Variants in ANKS1A observed in about 807,000 individuals in gnomAD.
ANKS1A encodes the protein ankyrin repeat and SAM domain-containing protein 1A.
Under a neutral mutation model 120.3 loss-of-function variants are expected in ANKS1A, and 55 were observed. The observed-to-expected ratio is 0.46, with a 90% CI of 0.37 to 0.57. The LOEUF is 0.57. Ranked by LOEUF, ANKS1A falls within the 20% of genes least tolerant of loss-of-function variation. The pLI is 0.00. For missense variants in ANKS1A, 1,123 were observed against 1,480.3 expected, an observed-to-expected ratio of 0.76 and a Z score of 3.96; for synonymous variants, 590 against 604.7, an observed-to-expected ratio of 0.98 and a Z score of 0.36.
chr6:35,075,205 G>A (rs1383548958), intron 13 of ANKS1A, among the ~76,000 whole-genome samples: 2 of 152,018 alleles, frequency 1.3e-5, no homozygotes, highest in African/African-American at 2.4e-5. Flanking sequence ...CAAATTACAG[G>A]AAAAAATATA....
Position 35,084,497 on chromosome 6 carries a change from T to TTC in ANKS1A, c.3132+240_3132+241insCT, listed in dbSNP as rs561265246. ...CTAGGGACAGGAGGTTCCAGCTTTT[T>TTC]TTTTTTTTTTTTAAGAGATGGAGTC... On this transcript the variant is annotated intron_variant, in intron 21 of 23. Coordinates refer to ENST00000360359, the MANE Select transcript of ANKS1A (RefSeq NM_015245.3). This position sits in a 1 kb window ranked among gnomAD's most constrained non-coding sequence, Gnocchi z 4.8. Among the ~76,000 whole-genome samples the TTC allele has an allele frequency of 2.3e-3, 342 of 150,820 alleles. No individual in the cohort carries two copies. Among genetic ancestry groups the TTC allele is most frequent in the Non-Finnish European group, 3.5e-3 (239 of 67,544 alleles).
chr6:34,907,277 TAGTTA>T (rs1408436073), intron 1 of ANKS1A, among the ~76,000 whole-genome samples: 1 of 152,222 alleles, frequency 6.6e-6, no homozygotes, highest in Non-Finnish European at 1.5e-5. Context: ...GTCTGTAGTT[TAGTTA>T]AGAGTATTGT....
chr6:34,913,440 C>T (rs1404436382), intron 1 of ANKS1A, among the ~76,000 whole-genome samples: 1 of 152,134 alleles, frequency 6.6e-6, no homozygotes, highest in East Asian at 1.9e-4. Context: ...AATCCTCTGG[C>T]CTCAGCATCC....
At chr6:35,002,894 G>A (rs1773245684) in intron 10 of ANKS1A, among the ~76,000 whole-genome samples, 1 of 151,170 alleles carries the variant, frequency 6.6e-6, no homozygotes, top group South Asian at 2.1e-4. Context: ...AAACCGCACA[G>A]ATAAAAATCC....
In ANKS1A at chr6:34,889,390, G is replaced by A; in HGVS notation, c.-13G>A. On this transcript the variant is annotated 5_prime_UTR_variant, in exon 1 of 24. Transcript: ENST00000360359. This position sits in a 1 kb window ranked among gnomAD's most constrained non-coding sequence, Gnocchi z 5.5. Reference sequence around the variant, plus strand: ...GCCTCGGGGAGGGGGTCCAGCGGGTGGCGGCCCTGGGGATGGGGAAGGAGC... The same window carrying A: ...GCCTCGGGGAGGGGGTCCAGCGGGTAGCGGCCCTGGGGATGGGGAAGGAGC... 1 of 1,260,970 alleles carries A rather than the reference G, an allele frequency of 7.9e-7. No homozygotes were observed. The highest frequency in any genetic ancestry group is 9.9e-7 in the Non-Finnish European group (1 of 1,005,556). 78.1% of individuals were successfully genotyped at this position (1,260,970 alleles called of 1,614,324 possible).
intron 11 of ANKS1A, chr6:35,023,632 A>G: frequency 4.2e-6 from 2 of 481,462 alleles, no homozygotes; most frequent in South Asian, 1.6e-5. Flanking sequence ...GGAAAATCTC[A>G]GGGAGAAGTA....
At chr6:35,088,100 G>A (rs1320324664) in intron 23 of ANKS1A, among the ~76,000 whole-genome samples, 1 of 152,224 alleles carries the variant, frequency 6.6e-6, no homozygotes, top group Non-Finnish European at 1.5e-5. Context: ...TCTCCACGGT[G>A]GGGGATCACA....
rs1777965382 is a variant in ANKS1A, at chr6:35,086,173, G to A, written c.3303+237G>A. ...TCCCTCCCTCGCTGGGCTCCCCCAA[G>A]GGCAAGGCCGTCAAGGGGCTGCAGA... On this transcript the variant is annotated intron_variant, in intron 22 of 23. Transcript: ENST00000360359. This position sits in a 1 kb window ranked among gnomAD's most constrained non-coding sequence, Gnocchi z 5.1. The A allele has an allele frequency of 8.0e-7, 1 of 1,256,302 alleles. No individual in the cohort carries two copies. Among genetic ancestry groups the A allele is most frequent in the Admixed American group, 2.1e-5 (1 of 46,894 alleles). The allele number at this position is 1,256,302 out of a possible 1,614,324, so 77.8% of individuals were successfully genotyped here.
intron 11 of ANKS1A, among the ~76,000 whole-genome samples, chr6:35,027,888 G>A (rs556428926): frequency 2.2e-4 from 34 of 152,226 alleles, no homozygotes; most frequent in Non-Finnish European, 3.8e-4. Flanking sequence ...GATGCTGAGC[G>A]AATCTTTCCC....
chr6:34,987,799 G>A (rs1400829292), intron 8 of ANKS1A, among the ~76,000 whole-genome samples: 6 of 152,214 alleles, frequency 3.9e-5, no homozygotes, highest in African/African-American at 1.4e-4. Flanking sequence ...GAGCTCTCGC[G>A]TAACTCAGCG....
At chr6:34,994,508 A>T in intron 10 of ANKS1A, 86 bp downstream of exon 10, 1 of 1,539,962 alleles carries the variant, frequency 6.5e-7, no homozygotes. Flanking sequence ...AGATGTCGTA[A>T]CTATGATATT....
At chr6:34,952,098 C>T (rs1311742372) in intron 1 of ANKS1A, among the ~76,000 whole-genome samples, 1 of 152,170 alleles carries the variant, frequency 6.6e-6, no homozygotes, top group Non-Finnish European at 1.5e-5. Flanking sequence ...TTGAGTTAAA[C>T]CCAATGTCAC....
rs1774421303 is a variant in ANKS1A, at chr6:35,022,977, A to T, written c.2010+4918A>T. Reference sequence around the variant, plus strand: ...GTTTGTTGTTGTTGAAACTTCTCCAACCATTAGATACTGCACAGGGCATTT... The same window carrying T: ...GTTTGTTGTTGTTGAAACTTCTCCATCCATTAGATACTGCACAGGGCATTT... On this transcript the variant is annotated intron_variant, in intron 11 of 23. Coordinates refer to ENST00000360359, the MANE Select transcript of ANKS1A (RefSeq NM_015245.3). Among the ~76,000 whole-genome samples, 6 of 151,920 alleles carry T rather than the reference A, an allele frequency of 3.9e-5. No individual in the cohort carries two copies. In the South Asian group the frequency reaches 1.2e-3, roughly 32 times the overall value.
chr6:34,952,238 A>G (rs972056523), intron 1 of ANKS1A, among the ~76,000 whole-genome samples: 2 of 152,220 alleles, frequency 1.3e-5, no homozygotes, highest in Non-Finnish European at 2.9e-5. Flanking sequence ...TACTTGGCCC[A>G]TAGTAAACAT....
intron 1 of ANKS1A, among the ~76,000 whole-genome samples, chr6:34,933,440 G>A (rs1337957730): frequency 1.3e-5 from 2 of 152,098 alleles, no homozygotes; most frequent in Non-Finnish European, 2.9e-5. Flanking sequence ...GCGCGATCTC[G>A]TCTCACTGCA....
chr6:35,075,173 G>T (rs1777281921), intron 13 of ANKS1A, among the ~76,000 whole-genome samples: 1 of 152,154 alleles, frequency 6.6e-6, no homozygotes. Context: ...ATGGATTAAA[G>T]ATTTAGCTAT....
intron 1 of ANKS1A, among the ~76,000 whole-genome samples, chr6:34,921,163 A>G (rs904721842): frequency 1.3e-5 from 2 of 152,214 alleles, no homozygotes; most frequent in Non-Finnish European, 2.9e-5. Flanking sequence ...ATTATGCCCC[A>G]TAGGCCACCT....
At chr6:35,041,193 A>AT (rs1775440172) in intron 11 of ANKS1A, among the ~76,000 whole-genome samples, 1 of 152,164 alleles carries the variant, frequency 6.6e-6, no homozygotes, top group Non-Finnish European at 1.5e-5. Flanking sequence ...TTCTCTCTAG[A>AT]TATTGTCTTG....
intron 11 of ANKS1A, among the ~76,000 whole-genome samples, chr6:35,020,793 T>C (rs1247391749): frequency 1.3e-5 from 2 of 152,170 alleles, no homozygotes; most frequent in Non-Finnish European, 2.9e-5. Flanking sequence ...TTTGCTGATA[T>C]CACCTGTGCA....
Sources: allele counts gnomAD v4.1 joint callset (sites outside exome capture counted in the v4.1 genomes callset), GRCh38; gene constraint gnomAD v4.1.1; non-coding constraint Gnocchi (gnomAD v3.1); transcripts MANE v1.5; gene names NCBI Gene and HGNC (gene_info 2026-07-23, HGNC 2026-07-21).